The following TULP4 variants were observed in gnomAD, a reference collection of about 807,000 sequenced individuals.
TULP4 encodes TUB like protein 4.
In TULP4, 16 loss-of-function variants were observed where a neutral mutation model predicts 129.0. That is an observed-to-expected ratio of 0.12 (90% CI 0.08 to 0.19). The LOEUF (loss-of-function observed/expected upper bound fraction) is 0.19, where lower values mean the gene tolerates loss of function less well. TULP4 is among the 10% of genes least tolerant of loss of function. TULP4 has a pLI of 1.00. For synonymous variants in TULP4, 998 were observed against 854.0 expected (o/e 1.17, Z -2.94); for missense variants, 1,842 against 2,059.1 (o/e 0.89, Z 2.04).
chr6:158,340,103 A>G (rs1440212574), intron 1 of TULP4, among the ~76,000 whole-genome samples: 4 of 152,244 alleles, frequency 2.6e-5, no homozygotes, highest in Admixed American at 2.6e-4. Context: ...AGGTGAGTTG[A>G]CCTTACTGTA....
chr6:158,343,146 G>A (rs117004756), intron 1 of TULP4, among the ~76,000 whole-genome samples: 4,684 of 152,084 alleles, frequency 0.031, 96 homozygotes, highest in Non-Finnish European at 0.041. Flanking sequence ...GTGTGAGCGC[G>A]CCTGGGCTCT....
At chr6:158,304,929 T>C (rs1779190108) in intron 1 of TULP4, among the ~76,000 whole-genome samples, 1 of 152,112 alleles carries the variant, frequency 6.6e-6, no homozygotes, top group African/African-American at 2.4e-5. Context: ...AGCCTCCCAA[T>C]GTGTTGGGAT....
At chr6:158,303,551 C>A (rs146010416) in intron 1 of TULP4, among the ~76,000 whole-genome samples, 1 of 152,228 alleles carries the variant, frequency 6.6e-6, no homozygotes, top group East Asian at 1.9e-4. Flanking sequence ...AGCAGAACTA[C>A]TGATAAGGGT....
At chr6:158,400,843 G>C (rs900106400) in intron 1 of TULP4, among the ~76,000 whole-genome samples, 3 of 152,086 alleles carry the variant, frequency 2.0e-5, no homozygotes, top group Non-Finnish European at 4.4e-5. Flanking sequence ...CTGTGTACCT[G>C]CCTGAGGTAG....
intron 13 of TULP4, 98 bp from the exon 14 acceptor site, chr6:158,506,480 C>G: frequency 7.4e-6 from 6 of 806,776 alleles, no homozygotes; most frequent in Admixed American, 1.7e-5. Flanking sequence ...ATCTGCCCAC[C>G]TCGGCCTCCC....
chr6:158,389,257 C>T (rs1432203873), intron 1 of TULP4, among the ~76,000 whole-genome samples: 1 of 152,182 alleles, frequency 6.6e-6, no homozygotes, highest in Admixed American at 6.5e-5. Flanking sequence ...TGAGACCACC[C>T]TGGGAAACAT....
intron 1 of TULP4, among the ~76,000 whole-genome samples, chr6:158,270,839 A>G (rs1446631131): frequency 6.6e-6 from 1 of 152,194 alleles, no homozygotes; most frequent in Non-Finnish European, 1.5e-5. Context: ...AGAGTTTATA[A>G]AGCAGCTTAG....
intron 6 of TULP4, among the ~76,000 whole-genome samples, chr6:158,475,037 GACTAACAGCTCAGTAGATAAAAA>G (rs1165830690): frequency 4.6e-5 from 7 of 152,232 alleles, no homozygotes; most frequent in Non-Finnish European, 8.8e-5. Flanking sequence ...TTTATCTAAT[GACTAACAGCTCAGTAGATAAAAA>G]AATGATTGGC....
chr6:158,340,407 C>T (rs1162546507), intron 1 of TULP4, among the ~76,000 whole-genome samples: 1 of 152,020 alleles, frequency 6.6e-6, no homozygotes, highest in East Asian at 1.9e-4. Flanking sequence ...TTCCCTCCTG[C>T]CCTGACGCTG....
At chr6:158,452,421 C>G (rs926394624) in intron 5 of TULP4, among the ~76,000 whole-genome samples, 153 bp downstream of exon 5, 1 of 152,240 alleles carries the variant, frequency 6.6e-6, no homozygotes, top group African/African-American at 2.4e-5. Context: ...GCCACTCCCT[C>G]TTCACTCCTT....
chr6:158,438,566 AGTTTGTTT>A lies in TULP4; in HGVS notation c.543+8699_543+8706del, dbSNP rs140886476. 7.8e-3 allele frequency among the ~76,000 whole-genome samples: 1,113 copies of A among 141,902 alleles called. 8 individuals are homozygous for A. Among genetic ancestry groups the A allele is most frequent in the African/African-American group, 0.02 (736 of 37,544 alleles). The allele number at this position is 141,902 out of a possible 152,430, so 93.1% of individuals were successfully genotyped here. On this transcript the variant is annotated intron_variant, in intron 3 of 13. Coordinates refer to ENST00000367097, the MANE Select transcript of TULP4 (RefSeq NM_020245.5). ...TTGCTTTCTCAGCTAAAAACACCAC[AGTTTGTTT>A]GTTTGTTTGTTTGTTTGTTTGTTTG...
chr6:158,372,130 T>TG (rs1777085058), intron 1 of TULP4, among the ~76,000 whole-genome samples: 1 of 75,570 alleles, frequency 1.3e-5, no homozygotes, highest in Admixed American at 1.2e-4. Context: ...CTAGTTTTTT[T>TG]TTTTTTTTTT....
chr6:158,472,558 A>G (rs1365867429), intron 6 of TULP4, among the ~76,000 whole-genome samples: 1 of 152,216 alleles, frequency 6.6e-6, no homozygotes, highest in African/African-American at 2.4e-5. Context: ...AATGATTCGA[A>G]AATCACATGT....
chr6:158,346,055 C>CTT (rs1780301526), intron 1 of TULP4, among the ~76,000 whole-genome samples: 1 of 152,190 alleles, frequency 6.6e-6, no homozygotes, highest in South Asian at 2.1e-4. Flanking sequence ...AATATGGCTC[C>CTT]TTTTGCCCGA....
chr6:158,352,962 T>A (rs55675950), intron 1 of TULP4, among the ~76,000 whole-genome samples: 26,309 of 152,148 alleles, frequency 0.17, 2,691 homozygotes, highest in Middle Eastern at 0.26. Context: ...TCTTTCGTAT[T>A]TGTGTCTACT....
At chr6:158,273,731 C>T (rs534100003) in intron 1 of TULP4, among the ~76,000 whole-genome samples, 1 of 152,302 alleles carries the variant, frequency 6.6e-6, no homozygotes, top group East Asian at 1.9e-4. Context: ...CACGAATTAA[C>T]ACAAATAATC....
At chr6:158,403,290 C>T (rs1459311772) in intron 1 of TULP4, among the ~76,000 whole-genome samples, 2 of 152,152 alleles carry the variant, frequency 1.3e-5, no homozygotes, top group East Asian at 1.9e-4. Flanking sequence ...GTCTGTCCTA[C>T]CAGGATAAGT....
At chr6:158,344,987 T>C (rs985560877) in intron 1 of TULP4, among the ~76,000 whole-genome samples, 7 of 152,234 alleles carry the variant, frequency 4.6e-5, no homozygotes, top group African/African-American at 1.4e-4. Context: ...ATTGCTGATA[T>C]GGAGAAAGTT....
At chr6:158,284,294 T>C (rs185153661) in intron 1 of TULP4, among the ~76,000 whole-genome samples, 1 of 152,240 alleles carries the variant, frequency 6.6e-6, no homozygotes, top group Non-Finnish European at 1.5e-5. Flanking sequence ...TGAGACTGTT[T>C]GGCTTGGGAT....
Sources: allele counts gnomAD v4.1 joint callset (sites outside exome capture counted in the v4.1 genomes callset), GRCh38; gene constraint gnomAD v4.1.1; transcripts MANE v1.5; gene names NCBI Gene and HGNC (gene_info 2026-07-23, HGNC 2026-07-21).